Variants in NEURL4 observed in about 807,000 individuals in gnomAD.
NEURL4 encodes neuralized E3 ubiquitin protein ligase 4.
A neutral mutation model predicts 148.0 loss-of-function variants in NEURL4; 45 were observed. That is an observed-to-expected ratio of 0.30 (90% CI 0.24 to 0.39). The LOEUF is 0.39. Among genes scored for constraint, NEURL4 ranks in the 10% least tolerant of loss-of-function variants. The pLI is 1.00. For missense variants in NEURL4, 1,776 were observed against 2,144.0 expected, an observed-to-expected ratio of 0.83 and a Z score of 3.39; for synonymous variants, 854 against 869.0, an observed-to-expected ratio of 0.98 and a Z score of 0.30.
chr17:7,320,759 C>T lies in NEURL4; in HGVS notation c.3525G>A (p.Gln1175=), dbSNP rs750547079. The T allele has an allele frequency of 1.2e-6, 2 of 1,612,848 alleles. No individual in the cohort carries two copies. Among genetic ancestry groups the T allele is most frequent in the East Asian group, 4.5e-5 (2 of 44,878 alleles). Residue 1175 remains glutamine, a splice_region_variant and synonymous_variant, in exon 21 of 29, where the codon CAG becomes CAA. Transcript: ENST00000399464. ...NQPLVPQLLV[Q]VRIDFLNRQW... The stretch of plus-strand genomic sequence containing the variant: ...CTGGGGATAGGGAGGGAGAACCCAC[C>T]TGCACCAGCAGCTGGGGCACCAGAG...
chr17:7,317,380 G>C lies in NEURL4; in HGVS notation c.4319-10C>G. 2 of 1,590,058 alleles carry C rather than the reference G, an allele frequency of 1.3e-6. No individual in the cohort carries two copies. Among genetic ancestry groups the C allele is most frequent in the Non-Finnish European group, 1.7e-6 (2 of 1,166,418 alleles). On this transcript the variant is annotated splice_polypyrimidine_tract_variant and intron_variant, in intron 27 of 28. Transcript: ENST00000399464. ...AGGATGGAGGCAGTACCTGGGAGGAGAACTGGGTCAGGATAGCCCTTTTTA... is the reference window on the plus strand; with the variant it reads ...AGGATGGAGGCAGTACCTGGGAGGACAACTGGGTCAGGATAGCCCTTTTTA...
In NEURL4 at chr17:7,321,543, G is replaced by A. The variant is rs1285529213; in HGVS notation, c.3099+17C>T. ...CACTCCCAACCCCTCCCCTGTCCCT[G>A]GAGCCAGCCACTTCACCCCCAGCCT... On this transcript the variant is annotated intron_variant, in intron 18 of 28. Coordinates refer to ENST00000399464, the MANE Select transcript of NEURL4 (RefSeq NM_032442.3). This position sits in a 1 kb window ranked among gnomAD's most constrained non-coding sequence, Gnocchi z 6.3. 2 of 1,613,698 alleles carry A rather than the reference G, an allele frequency of 1.2e-6. No homozygotes were observed. The highest frequency in any genetic ancestry group is 1.3e-5 in the African/African-American group (1 of 74,998).
At chr17:7,320,673 T>G (rs913763952) in intron 21 of NEURL4, 86 bp downstream of exon 21, 1 of 1,296,238 alleles carries the variant, frequency 7.7e-7, no homozygotes, top group African/African-American at 1.5e-5. Context: ...TTTCTTTTTC[T>G]CCACACAAAA....
rs1263957211 is a variant in NEURL4 at position 7,315,914 on chromosome 17, C to T, written c.*209G>A. 8.4e-6 allele frequency: 5 copies of T among 596,964 alleles called. No homozygotes were observed. Among genetic ancestry groups the T allele is most frequent in the Non-Finnish European group, 1.5e-5 (5 of 334,662 alleles). The allele number at this position is 596,964 out of a possible 1,614,324, so 37.0% of individuals were successfully genotyped here. ...GGCCTGGAGCTGGGCTCCCACGACT[C>T]CTCCCATCAGACGGAGTGCTGGGCC... is the stretch of plus-strand genomic sequence containing the variant. On this transcript the variant is annotated 3_prime_UTR_variant, in exon 29 of 29. Coordinates refer to ENST00000399464, the MANE Select transcript of NEURL4 (RefSeq NM_032442.3).
At position 7,319,099 on chromosome 17, in the gene NEURL4, C is replaced by T. The variant is rs369313958; in HGVS notation, c.3635G>A (p.Arg1212Gln). The T allele has an allele frequency of 1.9e-5, 31 of 1,613,778 alleles. No individual in the cohort carries two copies. The highest frequency in any genetic ancestry group is 2.5e-5 in the Non-Finnish European group (29 of 1,179,922). The change falls in exon 22 of 29, where the codon CGG becomes CAG. Residue 1212 changes from arginine (R) to glutamine (Q), a missense_variant. By Grantham distance (43) the Arg-to-Gln change is conservative (BLOSUM62 1). Transcript: ENST00000399464. ...ACGGCCCCGCAGCAGCCAGGCTGCC[C>T]GTTTGAGGGCACAGGCAGAAGCAGG... ...NFPASACALK[R>Q]AAWLLRGRGV...
At position 7,327,352 on chromosome 17, in the gene NEURL4, T is replaced by C; in HGVS notation, c.727+88A>G. On this transcript the variant is annotated intron_variant, in intron 2 of 28. Coordinates refer to ENST00000399464, the MANE Select transcript of NEURL4 (RefSeq NM_032442.3). This position sits in a 1 kb window ranked among gnomAD's most constrained non-coding sequence, Gnocchi z 6.6. ...CATTCAACAGACTTGGGGATCAGGG[T>C]GGCCCTGCCCACACCCAGCCTGTCT... The C allele has an allele frequency of 1.4e-6, 2 of 1,439,770 alleles. No individual in the cohort carries two copies. The highest frequency in any genetic ancestry group is 1.9e-6 in the Non-Finnish European group (2 of 1,061,382). The allele number at this position is 1,439,770 out of a possible 1,614,324, so 89.2% of individuals were successfully genotyped here.
chr17:7,316,042 G>C lies in NEURL4; in HGVS notation c.*81C>G. The C allele has an allele frequency of 6.2e-6, 5 of 811,478 alleles. No individual in the cohort carries two copies. Among genetic ancestry groups the C allele is most frequent in the Non-Finnish European group, 4.4e-6 (2 of 454,728 alleles). 50.3% of individuals were successfully genotyped at this position (811,478 alleles called of 1,614,324 possible). A position where few individuals can be genotyped will look rare whatever the true frequency, so the allele number is the denominator to read the frequency against. ...AGCACCTGCGCATGCCACGAGTCAC[G>C]GGAATGAGGTGGAGGCAGTCGCCAC... On this transcript the variant is annotated 3_prime_UTR_variant, in exon 29 of 29. Transcript: ENST00000399464.
chr17:7,319,921 C>T (rs1287048703), intron 21 of NEURL4, among the ~76,000 whole-genome samples: 2 of 151,810 alleles, frequency 1.3e-5, no homozygotes, highest in Non-Finnish European at 2.9e-5. Flanking sequence ...GCTCCGCCTC[C>T]TGGGTTCAAG....
chr17:7,320,174 C>G (rs899399480), intron 21 of NEURL4, among the ~76,000 whole-genome samples: 1 of 151,576 alleles, frequency 6.6e-6, no homozygotes, highest in African/African-American at 2.4e-5. Context: ...GCTCTATCTC[C>G]CAGGCTAGAG....
chr17:7,320,965 C>A, intron 20 of NEURL4, 42 bp from the exon 21 acceptor site: 1 of 1,607,846 alleles, frequency 6.2e-7, no homozygotes, highest in Non-Finnish European at 8.5e-7. Context: ...GTTGCCAATG[C>A]CAGGACTGAC....
Position 7,327,568 on chromosome 17 carries a change from G to T in NEURL4, c.599C>A (p.Thr200Asn). Residue 200 changes from threonine to asparagine, a missense_variant, in exon 2 of 29, where the codon ACC (threonine) becomes AAC (asparagine). Thr to Asn is a moderately conservative substitution (Grantham distance 65, BLOSUM62 0). Coordinates refer to ENST00000399464, the MANE Select transcript of NEURL4 (RefSeq NM_032442.3). The surrounding 1 kb of genome is among the most constrained non-coding windows in gnomAD (Gnocchi z 6.6). Reference sequence around the variant, plus strand: ...CTCAGGGGGTAGCACGGTGATCTGGGTGCACTTGCCATAAAGGTCCACGAC... The same window carrying T: ...CTCAGGGGGTAGCACGGTGATCTGGTTGCACTTGCCATAAAGGTCCACGAC... ...WAVVDLYGKC[T>N]QITVLPPEPG... 1 of 1,611,274 alleles carries T rather than the reference G, an allele frequency of 6.2e-7. No homozygotes were observed. The highest frequency in any genetic ancestry group is 8.5e-7 in the Non-Finnish European group (1 of 1,179,700).
At chr17:7,319,879 G>A (rs1156778858) in intron 21 of NEURL4, among the ~76,000 whole-genome samples, 2 of 151,790 alleles carry the variant, frequency 1.3e-5, no homozygotes, top group Non-Finnish European at 2.9e-5. Flanking sequence ...GCCCAGGCTG[G>A]AGTGCAGCGG....
Position 7,326,548 on chromosome 17 carries a change from T to G in NEURL4, c.1093A>C (p.Ile365Leu). 6.2e-7 allele frequency: 1 copy of G among 1,613,814 alleles called. No individual in the cohort carries two copies. The highest frequency in any genetic ancestry group is 8.5e-7 in the Non-Finnish European group (1 of 1,179,808). ...RPLRDNEMFEIRIDKLVDKWS... is the reference protein window; with the variant it reads ...RPLRDNEMFELRIDKLVDKWS... Reference sequence around the variant, plus strand: ...TTATCAACAAGCTTGTCGATACGGATCTGGCATTGAGGGACAGAAGGGAGA... The same window carrying G: ...TTATCAACAAGCTTGTCGATACGGAGCTGGCATTGAGGGACAGAAGGGAGA... The change falls in exon 5 of 29, where the codon ATC becomes CTC. Residue 365 changes from isoleucine to leucine, a missense_variant and splice_region_variant. Ile to Leu is a conservative substitution (Grantham distance 5, BLOSUM62 2). Coordinates refer to ENST00000399464, the MANE Select transcript of NEURL4 (RefSeq NM_032442.3). This position sits in a 1 kb window ranked among gnomAD's most constrained non-coding sequence, Gnocchi z 6.0.
In NEURL4 at chr17:7,321,752, A is replaced by T; in HGVS notation, c.2907T>A (p.Gly969=). The T allele has an allele frequency of 1.2e-6, 2 of 1,613,628 alleles. No homozygotes were observed. Among genetic ancestry groups the T allele is most frequent in the Non-Finnish European group, 1.7e-6 (2 of 1,180,014 alleles). ...KVEELDEKWA[G]SLRLGLTTLA... is the part of the protein sequence containing the mutation. ...GTGTGGTCAGCCCCAGCCGCAGGGA[A>T]CCTGCCCACTTCTCATCTAGCTCTT... The change falls in exon 18 of 29, where the codon GGT becomes GGA. Residue 969 remains glycine, a synonymous_variant. Coordinates refer to ENST00000399464, the MANE Select transcript of NEURL4 (RefSeq NM_032442.3). The surrounding 1 kb of genome is among the most constrained non-coding windows in gnomAD (Gnocchi z 6.3).
chr17:7,323,019 T>C lies in NEURL4; in HGVS notation c.2522A>G (p.Lys841Arg), dbSNP rs1479466715. ...GTTGATGAAGTAGTGCAGGTCGCCC[T>C]TGGCAGTTCGCATCATGCCAATGCG... ...GARIGMMRTAKGDLHYFINGQ... is the reference protein window; with the variant it reads ...GARIGMMRTARGDLHYFINGQ... The change falls in exon 15 of 29, where the codon AAG becomes AGG. Residue 841 changes from lysine (K) to arginine (R), a missense_variant. Physicochemically the swap from Lys to Arg is conservative, Grantham distance 26 (BLOSUM62 2). Transcript: ENST00000399464. 1.2e-6 allele frequency: 2 copies of C among 1,613,766 alleles called. No homozygotes were observed. The highest frequency in any genetic ancestry group is 1.7e-6 in the Non-Finnish European group (2 of 1,180,002).
At chr17:7,316,406 A>T (rs1325462292) in intron 28 of NEURL4, 79 bp from the exon 29 acceptor site, 7 of 1,175,004 alleles carry the variant, frequency 6.0e-6, no homozygotes, top group Non-Finnish European at 8.6e-6. Flanking sequence ...CCAACCACAC[A>T]AGCCTTGCTG....
chr17:7,328,910 T>C (rs2143013928), intron 1 of NEURL4, 121 bp downstream of exon 1: 5 of 932,162 alleles, frequency 5.4e-6, no homozygotes, highest in Non-Finnish European at 4.5e-6. Flanking sequence ...TGGTGCTCTA[T>C]GGTCTTTCTG....
At chr17:7,328,296 G>T (rs532298531) in intron 1 of NEURL4, among the ~76,000 whole-genome samples, 1 of 152,288 alleles carries the variant, frequency 6.6e-6, no homozygotes, top group Admixed American at 6.5e-5. Flanking sequence ...CTCCTTCCAA[G>T]TTCTTTTTCT....
intron 28 of NEURL4, among the ~76,000 whole-genome samples, chr17:7,316,566 C>T (rs2072948493): frequency 6.6e-6 from 1 of 152,208 alleles, no homozygotes; most frequent in Non-Finnish European, 1.5e-5. Context: ...ATGTCCACAC[C>T]AACCGCACTG....
Sources: allele counts gnomAD v4.1 joint callset (sites outside exome capture counted in the v4.1 genomes callset), GRCh38; gene constraint gnomAD v4.1.1; non-coding constraint Gnocchi (gnomAD v3.1); transcripts MANE v1.5; gene names NCBI Gene and HGNC (gene_info 2026-07-23, HGNC 2026-07-21).